Variants in ESR1 observed in about 807,000 individuals in gnomAD.
ESR1 encodes estrogen receptor 1.
In ESR1, 12 loss-of-function variants were observed where a neutral mutation model predicts 52.7. That is an observed-to-expected ratio of 0.23 (90% CI 0.15 to 0.37). The LOEUF (loss-of-function observed/expected upper bound fraction) is 0.37. Ranked by LOEUF, ESR1 falls within the 10% of genes least tolerant of loss-of-function variation. The probability of loss-of-function intolerance (pLI) is 1.00; values close to 1 mark genes in which losing one functional copy is unlikely to be tolerated. For synonymous variants in ESR1, 305 were observed against 316.8 expected (o/e 0.96, Z 0.39); for missense variants, 584 against 779.7 (o/e 0.75, Z 2.99).
chr6:152,027,809 C>T (rs575875821), intron 5 of ESR1, among the ~76,000 whole-genome samples: 34 of 152,252 alleles, frequency 2.2e-4, no homozygotes, highest in African/African-American at 7.5e-4. Flanking sequence ...AATATGTAGA[C>T]TCAAATCAGA....
rs1043840422 is a variant in ESR1, at chr6:151,854,210, T to C, written c.643+11423T>C. Among the ~76,000 whole-genome samples the C allele has an allele frequency of 2.0e-5, 3 of 152,210 alleles. No individual in the cohort carries two copies. The South Asian group carries it at 6.2e-4, about 31-fold the overall frequency. On this transcript the variant is annotated intron_variant, in intron 2 of 7. Coordinates refer to ENST00000206249, the MANE Select transcript of ESR1 (RefSeq NM_000125.4). ...TAGGTTATCTTGTAACCTGCTTGCC[T>C]GGCTATTTGGCTGAAAAATAACAAC...
At chr6:151,757,464 A>G (rs117763869) in intron 2 of ESR1, among the ~76,000 whole-genome samples, 75 of 152,240 alleles carry the variant, frequency 4.9e-4, no homozygotes, top group Non-Finnish European at 8.7e-4. Flanking sequence ...TTGTACCCCA[A>G]ATGGCTGAAA....
At chr6:151,817,903 A>G (rs1034692735) in intron 1 of ESR1, among the ~76,000 whole-genome samples, 1 of 152,206 alleles carries the variant, frequency 6.6e-6, no homozygotes, top group Non-Finnish European at 1.5e-5. Context: ...TGATACAGCT[A>G]TAAAATCCCA....
intron 5 of ESR1, among the ~76,000 whole-genome samples, chr6:152,057,421 G>A (rs2047186980): frequency 1.3e-5 from 2 of 152,080 alleles, no homozygotes; most frequent in Admixed American, 6.5e-5. Context: ...GACCAATTAA[G>A]TTGCTCCCAT....
chr6:151,885,572 T>C (rs1007638647), intron 3 of ESR1, among the ~76,000 whole-genome samples: 38 of 152,204 alleles, frequency 2.5e-4, no homozygotes, highest in African/African-American at 4.8e-4. Context: ...TGGAGATAAA[T>C]AAATTTTATT....
At chr6:152,016,291 A>G (rs2043166506) in intron 5 of ESR1, among the ~76,000 whole-genome samples, 1 of 152,090 alleles carries the variant, frequency 6.6e-6, no homozygotes, top group South Asian at 2.1e-4. Context: ...ATGAGAACAA[A>G]CTAATACATT....
At chr6:151,731,312 C>T (rs1331192513) in intron 2 of ESR1, among the ~76,000 whole-genome samples, 5 of 151,484 alleles carry the variant, frequency 3.3e-5, no homozygotes, top group African/African-American at 7.3e-5. Flanking sequence ...GCTGAGATCG[C>T]GCCACTGTAC....
At chr6:152,029,072 C>G (rs1562693959) in intron 5 of ESR1, among the ~76,000 whole-genome samples, 1 of 152,242 alleles carries the variant, frequency 6.6e-6, no homozygotes, top group Non-Finnish European at 1.5e-5. Context: ...AGACCTGCAG[C>G]TGAGGGTCCT....
chr6:151,974,787 A>T (rs192155905), intron 4 of ESR1, among the ~76,000 whole-genome samples: 234 of 152,336 alleles, frequency 1.5e-3, no homozygotes, highest in Non-Finnish European at 2.9e-3. Context: ...AATTCTTGAA[A>T]CTATAACAGG....
intron 3 of ESR1, among the ~76,000 whole-genome samples, chr6:151,932,431 TTGCTGTG>T (rs1306318516): frequency 4.6e-5 from 6 of 129,574 alleles, no homozygotes; most frequent in African/African-American, 1.8e-4. Context: ...GTAGTTTCTT[TTGCTGTG>T]CAGAAGCTCT....
At chr6:151,747,921 C>T (rs1406921100) in intron 2 of ESR1, among the ~76,000 whole-genome samples, 2 of 152,128 alleles carry the variant, frequency 1.3e-5, no homozygotes, top group Non-Finnish European at 2.9e-5. Flanking sequence ...TTGGCTATTA[C>T]AAATAAAATT....
chr6:151,703,046 G>GA (rs1309414008), intron 2 of ESR1, among the ~76,000 whole-genome samples: 5 of 152,176 alleles, frequency 3.3e-5, no homozygotes, highest in Non-Finnish European at 5.9e-5. Flanking sequence ...GTAGGACCTA[G>GA]GTCTGTCTGC....
In ESR1 at chr6:151,767,422, T is replaced by C. The variant is rs931479680; in HGVS notation, c.-70-40421T>C. Among the ~76,000 whole-genome samples, 5 of 152,182 alleles carry C rather than the reference T, an allele frequency of 3.3e-5. No homozygotes were observed. In the East Asian group the frequency reaches 9.6e-4, roughly 29 times the overall value. On this transcript the variant is annotated intron_variant, in intron 2 of 2. Coordinates refer to the ESR1 transcript ENST00000404742. ...GAACTCCTCTTTCTGTCTTAACCTATTTTAGGTCTTAGACCCCTTTGGCAG... is the reference window on the plus strand; with the variant it reads ...GAACTCCTCTTTCTGTCTTAACCTACTTTAGGTCTTAGACCCCTTTGGCAG...
chr6:151,751,005 G>GT (rs1783862742), intron 2 of ESR1, among the ~76,000 whole-genome samples: 1 of 152,200 alleles, frequency 6.6e-6, no homozygotes, highest in South Asian at 2.1e-4. Context: ...CTTAAATAGC[G>GT]TAAGAGTCTG....
chr6:152,105,775 C>CTTTTTT (rs71017522), downstream of ESR1, among the ~76,000 whole-genome samples: 44 of 79,434 alleles, frequency 5.5e-4, no homozygotes, highest in African/African-American at 9.6e-4. Flanking sequence ...CAGTATGCAT[C>CTTTTTT]TTTTTTTTTT....
At chr6:152,056,045 G>A (rs1884152) in intron 5 of ESR1, among the ~76,000 whole-genome samples, 33,308 of 152,080 alleles carry the variant, frequency 0.22, 5,295 homozygotes, top group African/African-American at 0.44. Flanking sequence ...GTTAGTAAAT[G>A]GTGGCATCAA....
chr6:152,002,185 AGTGT>A (rs10578838), intron 4 of ESR1, among the ~76,000 whole-genome samples: 4,711 of 141,424 alleles, frequency 0.033, 125 homozygotes, highest in East Asian at 0.12. Flanking sequence ...TTTTAAATCA[AGTGT>A]GTGTGTGTGT....
intron 6 of ESR1, among the ~76,000 whole-genome samples, chr6:152,072,274 T>C (rs781573288): frequency 4.8e-4 from 73 of 152,270 alleles, no homozygotes; most frequent in Non-Finnish European, 9.1e-4. Flanking sequence ...GCTGATGAAC[T>C]GCTTATTCCA....
intron 4 of ESR1, among the ~76,000 whole-genome samples, chr6:151,996,949 C>A (rs1383674087): frequency 2.6e-5 from 4 of 152,014 alleles, no homozygotes; most frequent in African/African-American, 9.7e-5. Flanking sequence ...ATTTGAGTGA[C>A]AAACATGTTC....
Sources: allele counts gnomAD v4.1 joint callset (sites outside exome capture counted in the v4.1 genomes callset), GRCh38; gene constraint gnomAD v4.1.1; transcripts MANE v1.5; gene names NCBI Gene and HGNC (gene_info 2026-07-23, HGNC 2026-07-21).